The following COBL variants were observed in gnomAD, a reference collection of about 807,000 sequenced individuals.
COBL encodes protein cordon-bleu.
Under a neutral mutation model 98.8 loss-of-function variants are expected in COBL, and 51 were observed. That is an observed-to-expected ratio of 0.52 (90% confidence interval 0.41 to 0.65). COBL has a LOEUF of 0.65. Ranked by LOEUF, COBL falls within the 30% of genes least tolerant of loss-of-function variation. The probability of loss-of-function intolerance (pLI) is 0.00; values close to 1 mark genes in which losing one functional copy is unlikely to be tolerated. For synonymous variants in COBL, 634 were observed against 651.7 expected (o/e 0.97, Z 0.41); for missense variants, 1,617 against 1,617.5 (o/e 1.00, Z 0.01).
intron 2 of COBL, among the ~76,000 whole-genome samples, chr7:51,211,250 G>T (rs989954079): frequency 6.6e-6 from 1 of 152,180 alleles, no homozygotes; most frequent in Admixed American, 6.5e-5. Context: ...ATTAGGGATT[G>T]GGCGTGATTT....
chr7:51,038,013 G>A (rs1034983098), intron 8 of COBL, among the ~76,000 whole-genome samples: 4 of 152,038 alleles, frequency 2.6e-5, no homozygotes, highest in African/African-American at 9.7e-5. Context: ...CAGCACGCCT[G>A]GCTATTTTTT....
intron 2 of COBL, among the ~76,000 whole-genome samples, chr7:51,206,521 T>G (rs1400093684): frequency 7.0e-6 from 1 of 143,124 alleles, no homozygotes; most frequent in Non-Finnish European, 1.5e-5. Context: ...GAAAATGAAA[T>G]CAGAATTTTT....
chr7:51,225,524 A>C (rs1794099262), intron 1 of COBL, among the ~76,000 whole-genome samples: 1 of 152,182 alleles, frequency 6.6e-6, no homozygotes, highest in East Asian at 1.9e-4. Context: ...GGGACTCAGC[A>C]GGGAATGAAT....
At chr7:51,226,095 G>A (rs1344780194) in intron 1 of COBL, among the ~76,000 whole-genome samples, 3 of 152,182 alleles carry the variant, frequency 2.0e-5, no homozygotes, top group African/African-American at 4.8e-5. Context: ...ATTTCTTACT[G>A]TCCAAGAAAA....
Position 51,104,782 on chromosome 7 carries a change from C to T in COBL, c.958-19478G>A, listed in dbSNP as rs138580022. 1.1e-3 allele frequency among the ~76,000 whole-genome samples: 173 copies of T among 152,234 alleles called. 2 individuals carry two copies. The East Asian group carries it at 0.021, about 19-fold the overall frequency. On this transcript the variant is annotated intron_variant, in intron 6 of 12. Transcript: ENST00000265136. Reference sequence around the variant, plus strand: ...AGGGTCCTGAGAGAATTCAGTCATCCTCTGTCACCTGGTTAAGTTTCTTGA... The same window carrying T: ...AGGGTCCTGAGAGAATTCAGTCATCTTCTGTCACCTGGTTAAGTTTCTTGA...
intron 6 of COBL, among the ~76,000 whole-genome samples, chr7:51,097,980 C>T (rs55773052): frequency 0.019 from 2,733 of 144,210 alleles, 36 homozygotes; most frequent in Non-Finnish European, 0.027. Context: ...GCCAAGATTG[C>T]GCCACTGCAC....
At chr7:51,202,736 T>G (rs937528470) in intron 2 of COBL, among the ~76,000 whole-genome samples, 37 of 152,118 alleles carry the variant, frequency 2.4e-4, no homozygotes, top group Non-Finnish European at 2.8e-4. Flanking sequence ...AGCAGTAAGA[T>G]CCTACATTTA....
intron 7 of COBL, among the ~76,000 whole-genome samples, chr7:51,070,344 T>A (rs894422061): frequency 1.9e-4 from 28 of 149,320 alleles, no homozygotes; most frequent in African/African-American, 6.6e-4. Flanking sequence ...CTATTTTGGG[T>A]TTTTCTCCTG....
At chr7:51,225,011 G>A (rs979687430) in intron 1 of COBL, among the ~76,000 whole-genome samples, 234 of 152,158 alleles carry the variant, frequency 1.5e-3, no homozygotes, top group Non-Finnish European at 4.1e-4. Context: ...TGGGTGGACT[G>A]TGTGTGTGGA....
chr7:51,170,534 T>TATATATATATATATATATAA (rs1315143701), intron 5 of COBL, among the ~76,000 whole-genome samples: 24 of 134,498 alleles, frequency 1.8e-4, no homozygotes, highest in African/African-American at 6.8e-4. Flanking sequence ...TATATATAAA[T>TATATATATATATATATATAA]ATATATCACA....
intron 4 of COBL, among the ~76,000 whole-genome samples, chr7:51,186,233 G>A (rs1038100675): frequency 4.6e-5 from 7 of 151,214 alleles, no homozygotes; most frequent in African/African-American, 1.5e-4. Flanking sequence ...ATGGACCAAC[G>A]GATGCTCACG....
chr7:51,052,056 A>C (rs1323606914), intron 7 of COBL, among the ~76,000 whole-genome samples: 1 of 152,230 alleles, frequency 6.6e-6, no homozygotes, highest in Admixed American at 6.5e-5. Context: ...TGCAAACCAC[A>C]TAACGGTAAT....
At chr7:51,117,697 G>C (rs1797400071) in intron 6 of COBL, among the ~76,000 whole-genome samples, 1 of 152,018 alleles carries the variant, frequency 6.6e-6, no homozygotes, top group Non-Finnish European at 1.5e-5. Flanking sequence ...CTACAGATTG[G>C]TTTCTATTGA....
intron 6 of COBL, among the ~76,000 whole-genome samples, chr7:51,094,656 A>G (rs62448307): frequency 2.6e-4 from 40 of 152,172 alleles, no homozygotes; most frequent in Non-Finnish European, 5.1e-4. Flanking sequence ...ACTAGTTAGC[A>G]ACATGAAAGC....
chr7:51,192,124 A>C (rs1425318913), intron 3 of COBL, among the ~76,000 whole-genome samples: 1 of 152,200 alleles, frequency 6.6e-6, no homozygotes, highest in East Asian at 1.9e-4. Flanking sequence ...GAATAAGGGG[A>C]AATCTCTGGT....
intron 1 of COBL, among the ~76,000 whole-genome samples, chr7:51,237,757 G>A (rs1442678844): frequency 6.6e-6 from 1 of 152,132 alleles, no homozygotes; most frequent in Non-Finnish European, 1.5e-5. Context: ...AAACAGGAAC[G>A]TGTTCAGTAA....
At chr7:51,178,134 G>A (rs78558814) in intron 5 of COBL, among the ~76,000 whole-genome samples, 9,987 of 151,896 alleles carry the variant, frequency 0.066, 375 homozygotes, top group Middle Eastern at 0.14. Flanking sequence ...CAACAAGAGT[G>A]AAACACACTC....
intron 1 of COBL, among the ~76,000 whole-genome samples, chr7:51,309,197 A>T (rs867284262): frequency 2.0e-5 from 3 of 152,100 alleles, no homozygotes; most frequent in South Asian, 2.1e-4. Flanking sequence ...CGATGTGATT[A>T]TGGTTGGGCC....
intron 1 of COBL, among the ~76,000 whole-genome samples, chr7:51,223,416 T>C (rs978546118): frequency 1.5e-4 from 23 of 152,360 alleles, no homozygotes; most frequent in African/African-American, 4.8e-4. Context: ...CGGCTGTGTG[T>C]TTCCATCTGG....
Sources: allele counts gnomAD v4.1 joint callset (sites outside exome capture counted in the v4.1 genomes callset), GRCh38; gene constraint gnomAD v4.1.1; transcripts MANE v1.5; gene names NCBI Gene and HGNC (gene_info 2026-07-23, HGNC 2026-07-21).